The following PEX7 variants were observed in gnomAD, a reference collection of about 807,000 sequenced individuals.
PEX7 encodes the protein peroxisomal biogenesis factor 7.
Under a neutral mutation model 47.5 loss-of-function variants are expected in PEX7, and 34 were observed. That is an observed-to-expected ratio of 0.72 (90% CI 0.54 to 0.95). The LOEUF (loss-of-function observed/expected upper bound fraction) is 0.95, where lower values mean the gene tolerates loss of function less well. Ranked by LOEUF, PEX7 falls within the 40% of genes least tolerant of loss-of-function variation. The pLI is 0.00. For missense variants in PEX7, 394 were observed against 400.3 expected (o/e 0.98, Z 0.13); for synonymous variants, 141 against 148.8 (o/e 0.95, Z 0.38).
chr6:136,868,243 C>T (rs950358149), intron 6 of PEX7, among the ~76,000 whole-genome samples: 1 of 152,116 alleles, frequency 6.6e-6, no homozygotes, highest in Admixed American at 6.6e-5. Flanking sequence ...TTGCCTAATG[C>T]CACATTTCTG....
intron 9 of PEX7, among the ~76,000 whole-genome samples, chr6:136,905,656 A>C (rs1249475023): frequency 6.6e-6 from 1 of 152,106 alleles, no homozygotes; most frequent in Non-Finnish European, 1.5e-5. Flanking sequence ...ACATATCTTC[A>C]TCACCATCCC....
chr6:136,867,769 C>T (rs988241163), intron 6 of PEX7, among the ~76,000 whole-genome samples: 1 of 130,724 alleles, frequency 7.6e-6, no homozygotes, highest in African/African-American at 2.8e-5. Context: ...GAGCAAGACT[C>T]CATCTCAAAA....
chr6:136,845,701 G>A lies in PEX7; in HGVS notation c.417+9G>A, dbSNP rs766476163. The A allele has an allele frequency of 3.9e-6, 6 of 1,552,938 alleles. No homozygotes were observed. The African/African-American group carries it at 5.4e-5, about 14-fold the overall frequency. On this transcript the variant is annotated intron_variant, in intron 4 of 9. Transcript: ENST00000318471. ...ATCAAACTGTCAAATTGGTATGTTA[G>A]CATTATTGTATTCAAAAACGAATAT...
chr6:136,892,571 T>C (rs1775574567), intron 8 of PEX7, among the ~76,000 whole-genome samples: 1 of 152,168 alleles, frequency 6.6e-6, no homozygotes, highest in Non-Finnish European at 1.5e-5. Flanking sequence ...TGTATATTTA[T>C]TTGCTCATTC....
intron 8 of PEX7, among the ~76,000 whole-genome samples, chr6:136,884,315 G>A (rs1226104996): frequency 6.6e-6 from 1 of 152,108 alleles, no homozygotes; most frequent in Non-Finnish European, 1.5e-5. Flanking sequence ...TTTTAAATCT[G>A]ATTGGATTGA....
chr6:136,880,974 A>G (rs78046520), intron 8 of PEX7, among the ~76,000 whole-genome samples: 5,424 of 152,294 alleles, frequency 0.036, 97 homozygotes, highest in African/African-American at 0.051. Flanking sequence ...AGTAGTGATT[A>G]TAAAGTTTTC....
At chr6:136,828,190 G>C (rs931970751) in intron 3 of PEX7, among the ~76,000 whole-genome samples, 3 of 152,090 alleles carry the variant, frequency 2.0e-5, no homozygotes, top group Non-Finnish European at 4.4e-5. Flanking sequence ...ATGAAACAAT[G>C]GGGTTGATGG....
At chr6:136,870,282 AT>A (rs996555269) in intron 7 of PEX7, among the ~76,000 whole-genome samples, 6 of 152,092 alleles carry the variant, frequency 3.9e-5, no homozygotes, top group Admixed American at 1.3e-4. Flanking sequence ...CCTTTAATAT[AT>A]TTTTTTAACT....
chr6:136,824,438 A>G (rs1475702932), intron 1 of PEX7, among the ~76,000 whole-genome samples: 1 of 152,066 alleles, frequency 6.6e-6, no homozygotes, highest in Non-Finnish European at 1.5e-5. Flanking sequence ...ACTGGGTGCA[A>G]GCGATCTTCC....
At chr6:136,843,946 A>G (rs1473576802) in intron 3 of PEX7, among the ~76,000 whole-genome samples, 1 of 152,212 alleles carries the variant, frequency 6.6e-6, no homozygotes, top group Non-Finnish European at 1.5e-5. Flanking sequence ...ATAATTTGTT[A>G]ATGTTTTTAA....
chr6:136,831,198 A>C (rs1357907618), intron 3 of PEX7, among the ~76,000 whole-genome samples: 1 of 152,160 alleles, frequency 6.6e-6, no homozygotes, highest in Non-Finnish European at 1.5e-5. Flanking sequence ...GGAAACTTAA[A>C]ATTATGGCAG....
chr6:136,888,357 T>C (rs1410466510), intron 8 of PEX7, among the ~76,000 whole-genome samples: 2 of 152,188 alleles, frequency 1.3e-5, no homozygotes, highest in Admixed American at 1.3e-4. Context: ...ATTGTTAACA[T>C]TTGCAGGAAC....
intron 8 of PEX7, among the ~76,000 whole-genome samples, chr6:136,879,028 C>T (rs139760089): frequency 1.2e-3 from 182 of 152,098 alleles, no homozygotes; most frequent in African/African-American, 3.6e-3. Flanking sequence ...TGTGAAATCC[C>T]ACCTATTTCT....
chr6:136,848,703 C>A (rs980880560), intron 5 of PEX7, among the ~76,000 whole-genome samples: 2 of 152,150 alleles, frequency 1.3e-5, no homozygotes, highest in African/African-American at 2.4e-5. Context: ...ATGAAGCCAA[C>A]TTGATCTTGG....
intron 9 of PEX7, among the ~76,000 whole-genome samples, chr6:136,904,064 G>A (rs953871263): frequency 1.3e-5 from 2 of 152,148 alleles, no homozygotes; most frequent in Non-Finnish European, 2.9e-5. Context: ...GTAGATAAAA[G>A]TATTTAAGAA....
intron 9 of PEX7, among the ~76,000 whole-genome samples, chr6:136,905,214 T>C (rs1317312192): frequency 6.6e-6 from 1 of 152,174 alleles, no homozygotes; most frequent in Non-Finnish European, 1.5e-5. Context: ...CTCTATTTTT[T>C]TCCCATTCTT....
At chr6:136,845,813 T>TA (rs561801070) in intron 4 of PEX7, 121 bp downstream of exon 4, 696 of 698,846 alleles carry the variant, frequency 1.0e-3, no homozygotes, top group Non-Finnish European at 1.1e-3. Flanking sequence ...AGCTTTCTTT[T>TA]AAAAAAAAAA....
intron 5 of PEX7, among the ~76,000 whole-genome samples, chr6:136,847,782 G>T (rs1774655355): frequency 6.6e-6 from 1 of 152,182 alleles, no homozygotes; most frequent in Admixed American, 6.5e-5. Context: ...GTAGCTTGAT[G>T]CCTCCAGCTT....
intron 3 of PEX7, among the ~76,000 whole-genome samples, chr6:136,837,813 CA>C (rs1774421843): frequency 1.6e-5 from 1 of 63,860 alleles, no homozygotes; most frequent in Non-Finnish European, 2.8e-5. Context: ...ATTTAAACGC[CA>C]CACACACACA....
Sources: allele counts gnomAD v4.1 joint callset (sites outside exome capture counted in the v4.1 genomes callset), GRCh38; gene constraint gnomAD v4.1.1; transcripts MANE v1.5; gene names NCBI Gene and HGNC (gene_info 2026-07-23, HGNC 2026-07-21).